PCDHA2: variants seen among roughly 807,000 people sequenced by gnomAD.
PCDHA2 encodes protocadherin alpha-2.
A neutral mutation model predicts 66.0 loss-of-function variants in PCDHA2; 58 were observed. The observed-to-expected ratio is 0.88, with a 90% confidence interval of 0.71 to 1.09. The LOEUF is 1.09. Among genes scored for constraint, PCDHA2 ranks in the 50% least tolerant of loss-of-function variants. The probability of loss-of-function intolerance (pLI) is 0.00; values close to 1 mark genes in which losing one functional copy is unlikely to be tolerated. For synonymous variants in PCDHA2, 634 were observed against 554.0 expected, an observed-to-expected ratio of 1.14 and a Z score of -2.03; for missense variants, 1,267 against 1,242.3, an observed-to-expected ratio of 1.02 and a Z score of -0.30.
At chr5:140,967,944 A>T in intron 1 of PCDHA2, 1 of 1,614,088 alleles carries the variant, frequency 6.2e-7, no homozygotes, top group Non-Finnish European at 8.5e-7. Flanking sequence ...AATGACCAAG[A>T]CTCAGGCCCC....
Position 140,897,056 on chromosome 5 carries a change from T to C in PCDHA2, c.2389-81893T>C, listed in dbSNP as rs147544543. Among the ~76,000 whole-genome samples the C allele has an allele frequency of 2.6e-3, 395 of 152,288 alleles. 2 individuals carry two copies. The highest frequency in any genetic ancestry group is 9.2e-3 in the African/African-American group (384 of 41,556). ...ATAGTCACCCTATTCTGCTGTCAAA[T>C]ACTATGTCTTATTCATTTTTTCTAT... On this transcript the variant is annotated intron_variant, in intron 1 of 3. Coordinates refer to ENST00000526136, the MANE Select transcript of PCDHA2 (RefSeq NM_018905.3).
intron 1 of PCDHA2, among the ~76,000 whole-genome samples, chr5:140,874,847 A>AT (rs1459176801): frequency 6.6e-6 from 1 of 152,242 alleles, no homozygotes; most frequent in Non-Finnish European, 1.5e-5. Context: ...TATTAGACAT[A>AT]TTTTAGTTTC....
intron 1 of PCDHA2, chr5:140,809,192 C>G: frequency 6.2e-7 from 1 of 1,614,052 alleles, no homozygotes; most frequent in Non-Finnish European, 8.5e-7. Flanking sequence ...GCTGGTGTCA[C>G]TTGTGGAGAG....
Position 140,876,841 on chromosome 5 carries a change from C to T in PCDHA2, c.2388+79489C>T, listed in dbSNP as rs782712356. ...GAACGACAATGCGCCTGCGTTCGCGCAGCCCGAGTACACAGTGTTCGTGAA... is the reference window on the plus strand; with the variant it reads ...GAACGACAATGCGCCTGCGTTCGCGTAGCCCGAGTACACAGTGTTCGTGAA... On this transcript the variant is annotated intron_variant, in intron 1 of 3. Transcript: ENST00000526136. 4.3e-6 allele frequency: 7 copies of T among 1,614,130 alleles called. No homozygotes were observed. In the South Asian group the frequency reaches 7.7e-5, roughly 18 times the overall value.
At chr5:140,911,439 A>C (rs2075473101) in intron 1 of PCDHA2, among the ~76,000 whole-genome samples, 2 of 152,080 alleles carry the variant, frequency 1.3e-5, no homozygotes, top group Admixed American at 1.3e-4. Context: ...AATTTCCCGC[A>C]ATTTCAGCTC....
In PCDHA2 at chr5:140,796,471, G is replaced by A. The variant is rs147855137; in HGVS notation, c.1507G>A (p.Ala503Thr). The A allele has an allele frequency of 4.8e-4, 777 of 1,612,160 alleles. 6 individuals carry two copies. The African/African-American group carries it at 9.5e-3, about 20-fold the overall frequency. ...GGTGGAGCGGCGGGTGGGCGAGCGC[G>A]CGTTGTCGAGCTACGTTTCGGTGCA... ...SLVERRVGER[A>T]LSSYVSVHAE... The change falls in exon 1 of 4, where the codon GCG becomes ACG. Residue 503 changes from alanine to threonine, a missense_variant. Ala to Thr is a moderately conservative substitution (Grantham distance 58, BLOSUM62 0). Coordinates refer to ENST00000526136, the MANE Select transcript of PCDHA2 (RefSeq NM_018905.3).
rs2150352626 is a variant in PCDHA2, at chr5:140,843,105, G to T, written c.2388+45753G>T. On this transcript the variant is annotated intron_variant, in intron 1 of 3. Coordinates refer to ENST00000526136, the MANE Select transcript of PCDHA2 (RefSeq NM_018905.3). ...GCGGGCCACGTGGTAGCGAAGGTGC[G>T]CGCAGTGGACGCCGACTCGGGCTAC... 11 of 1,595,772 alleles carry T rather than the reference G, an allele frequency of 6.9e-6. 2 individuals carry two copies. Among genetic ancestry groups the T allele is most frequent in the Non-Finnish European group, 9.4e-6 (11 of 1,165,508 alleles).
At chr5:140,860,700 G>C (rs573827394) in intron 1 of PCDHA2, 1 of 152,300 alleles carries the variant, frequency 6.6e-6, no homozygotes, top group South Asian at 2.1e-4. Flanking sequence ...ACAGGATATT[G>C]TTGTTCTCCA....
intron 1 of PCDHA2, among the ~76,000 whole-genome samples, chr5:140,977,853 C>T (rs2096777992): frequency 6.6e-6 from 1 of 152,212 alleles, no homozygotes; most frequent in Admixed American, 6.5e-5. Context: ...GGCTTTGTTT[C>T]TACCAAATAT....
intron 1 of PCDHA2, chr5:140,856,684 A>G (rs1554148977): frequency 1.3e-6 from 2 of 1,597,646 alleles, no homozygotes; most frequent in Admixed American, 1.7e-5. Context: ...TGTTGTTGAC[A>G]GCAACTGATG....
Position 140,968,026 on chromosome 5 carries a change from A to G in PCDHA2, c.2389-10923A>G, listed in dbSNP as rs570318168. 9.3e-6 allele frequency: 15 copies of G among 1,614,066 alleles called. No individual in the cohort carries two copies. In the Admixed American group the frequency reaches 1.8e-4, roughly 20 times the overall value. On this transcript the variant is annotated intron_variant, in intron 1 of 3. Transcript: ENST00000526136. ...TGAATGGCTTTGGAAACTCCTATACACTGGTGGTGAGCGGCCCACTGGACC... is the reference window on the plus strand; with the variant it reads ...TGAATGGCTTTGGAAACTCCTATACGCTGGTGGTGAGCGGCCCACTGGACC...
In PCDHA2 at chr5:140,874,972, G is replaced by A. The variant is rs2055201149; in HGVS notation, c.2388+77620G>A. On this transcript the variant is annotated intron_variant, in intron 1 of 3. Coordinates refer to ENST00000526136, the MANE Select transcript of PCDHA2 (RefSeq NM_018905.3). ...TTGTAAGCTATATAAGGGGAGGGGT[G>A]CTGTATATTATTCTGTATATCATTT... 2.6e-5 allele frequency among the ~76,000 whole-genome samples: 4 copies of A among 152,186 alleles called. No homozygotes were observed. In the South Asian group the frequency reaches 6.2e-4, roughly 24 times the overall value.
chr5:140,999,304 C>G (rs1587831145), intron 3 of PCDHA2, among the ~76,000 whole-genome samples: 2 of 152,190 alleles, frequency 1.3e-5, no homozygotes, highest in East Asian at 3.8e-4. Flanking sequence ...TTCAGAATTT[C>G]TTCATGACAG....
chr5:140,868,968 C>G (rs782210353), intron 1 of PCDHA2: 16 of 1,446,356 alleles, frequency 1.1e-5, no homozygotes, highest in Middle Eastern at 2.0e-4. Flanking sequence ...TACAAAGGAA[C>G]TCCATCATAC....
At chr5:140,906,609 T>C (rs376857630) in intron 1 of PCDHA2, among the ~76,000 whole-genome samples, 2 of 152,348 alleles carry the variant, frequency 1.3e-5, no homozygotes, top group East Asian at 3.9e-4. Flanking sequence ...TCATTCTGTA[T>C]TCCCTTTGCC....
At chr5:140,808,445 G>T (rs1219099901) in intron 1 of PCDHA2, 1 of 1,614,212 alleles carries the variant, frequency 6.2e-7, no homozygotes, top group East Asian at 2.2e-5. Flanking sequence ...GAGCGTGTCA[G>T]CCTATGAGCT....
At chr5:140,871,219 G>A in intron 1 of PCDHA2, 1 of 1,613,872 alleles carries the variant, frequency 6.2e-7, no homozygotes, top group African/African-American at 1.3e-5. Flanking sequence ...CATCTGCGTG[G>A]TGTCCAGCCT....
At chr5:140,881,918 A>G (rs1263343700) in intron 1 of PCDHA2, 3 of 252,356 alleles carry the variant, frequency 1.2e-5, no homozygotes, top group Non-Finnish European at 2.3e-5. Flanking sequence ...TGTTGAGCAG[A>G]ATGCAGTGAT....
chr5:140,959,382 A>C (rs1332960560), intron 1 of PCDHA2, among the ~76,000 whole-genome samples: 1 of 152,200 alleles, frequency 6.6e-6, no homozygotes, highest in African/African-American at 2.4e-5. Flanking sequence ...TCAAAAAAAA[A>C]AGTCACAAAT....
Sources: allele counts gnomAD v4.1 joint callset (sites outside exome capture counted in the v4.1 genomes callset), GRCh38; gene constraint gnomAD v4.1.1; transcripts MANE v1.5; gene names NCBI Gene and HGNC (gene_info 2026-07-23, HGNC 2026-07-21).